The following BPTF variants were observed in gnomAD, a reference collection of about 807,000 sequenced individuals.
BPTF encodes the protein bromodomain PHD finger transcription factor.
BPTF carries 18 observed loss-of-function variants against 292.5 expected under a neutral mutation model. The ratio of observed to expected loss-of-function variants is 0.06; its 90% CI spans 0.04 to 0.09. The LOEUF is 0.09. Among genes scored for constraint, BPTF ranks in the 10% least tolerant of loss-of-function variants. BPTF has a pLI of 1.00. For synonymous variants in BPTF, 1,225 were observed against 1,251.9 expected, an observed-to-expected ratio of 0.98 and a Z score of 0.45; for missense variants, 2,726 against 3,498.7, an observed-to-expected ratio of 0.78 and a Z score of 5.57.
At chr17:67,902,542 C>T (rs546078333) in intron 7 of BPTF, among the ~76,000 whole-genome samples, 17 of 152,284 alleles carry the variant, frequency 1.1e-4, no homozygotes, top group Non-Finnish European at 2.2e-4. Flanking sequence ...CTTTCCCCTC[C>T]TCCCATCAGC....
At position 67,946,055 on chromosome 17, in the gene BPTF, G is replaced by C; in HGVS notation, c.7347G>C (p.Gln2449His). The C allele has an allele frequency of 6.2e-7, 1 of 1,614,214 alleles. No individual in the cohort carries two copies. The highest frequency in any genetic ancestry group is 2.2e-5 in the East Asian group (1 of 44,890). ...QQQVQVLSQI[Q>H]SQVVAQIQAQ... is the part of the protein sequence containing the mutation. ...AAGTCCAGGTTCTCTCTCAGATCCAGTCACAGGTTGTGGCTCAGATACAGG... is the reference window on the plus strand; with the variant it reads ...AAGTCCAGGTTCTCTCTCAGATCCACTCACAGGTTGTGGCTCAGATACAGG... The change falls in exon 21 of 28, where the codon CAG (glutamine) becomes CAC (histidine). Residue 2449 changes from glutamine to histidine, a missense_variant. Coordinates refer to ENST00000306378, the MANE Select transcript of BPTF (RefSeq NM_182641.4).
chr17:67,871,468 C>T (rs1263158327), intron 3 of BPTF, among the ~76,000 whole-genome samples: 4 of 147,038 alleles, frequency 2.7e-5, no homozygotes, highest in Non-Finnish European at 6.0e-5. Context: ...AAAAATTATA[C>T]AGTAAATACT....
At chr17:67,869,588 A>G (rs1260715600) in intron 3 of BPTF, among the ~76,000 whole-genome samples, 1 of 152,166 alleles carries the variant, frequency 6.6e-6, no homozygotes, top group Non-Finnish European at 1.5e-5. Context: ...ACCAATTAGC[A>G]TAGTAGAATT....
Position 67,912,552 on chromosome 17 carries a change from T to A in BPTF, c.4668T>A (p.Asn1556Lys). The change falls in exon 11 of 28, where the codon AAT becomes AAA. Residue 1556 changes from asparagine (N) to lysine (K), a missense_variant. Physicochemically the swap from Asn to Lys is moderately conservative, Grantham distance 94. Around this residue, in one of 22 missense-constraint regions of BPTF, gnomAD observed 144 missense variants for 177.2 expected, o/e 0.81. Coordinates refer to ENST00000306378, the MANE Select transcript of BPTF (RefSeq NM_182641.4). Reference sequence around the variant, plus strand: ...CTATTACTTCTGAAGAGGAATCTAATCTCAGTAATGACTTTATTGATGAAA... The same window carrying A: ...CTATTACTTCTGAAGAGGAATCTAAACTCAGTAATGACTTTATTGATGAAA... ...SSPITSEEES[N>K]LSNDFIDENG... 2 of 1,613,944 alleles carry A rather than the reference T, an allele frequency of 1.2e-6. No homozygotes were observed. Among genetic ancestry groups the A allele is most frequent in the Non-Finnish European group, 1.7e-6 (2 of 1,179,922 alleles).
At chr17:67,886,885 A>G (rs1481687297) in intron 4 of BPTF, among the ~76,000 whole-genome samples, 3 of 152,248 alleles carry the variant, frequency 2.0e-5, no homozygotes, top group East Asian at 3.9e-4. Context: ...CTATTTCTCT[A>G]TTAATGGACA....
At chr17:67,868,277 A>T (rs2059505564) in intron 3 of BPTF, among the ~76,000 whole-genome samples, 1 of 152,170 alleles carries the variant, frequency 6.6e-6, no homozygotes, top group Non-Finnish European at 1.5e-5. Context: ...CTCCAGAGGC[A>T]ATCATTATTG....
intron 3 of BPTF, 40 bp downstream of exon 3, chr17:67,866,727 G>A (rs779854134): frequency 9.8e-6 from 15 of 1,526,656 alleles, no homozygotes; most frequent in Non-Finnish European, 1.3e-5. Context: ...TGTTAAGTCT[G>A]AGCTAAACCG....
rs151169336 is a variant in BPTF at position 67,857,853 on chromosome 17, C to A, written c.1436+3091C>A. Reference sequence around the variant, plus strand: ...CCCGGCTAGAGTACAGTGGCGCGATCCTTGGCTCACTGCAACCTCCATCTC... The same window carrying A: ...CCCGGCTAGAGTACAGTGGCGCGATACTTGGCTCACTGCAACCTCCATCTC... On this transcript the variant is annotated intron_variant, in intron 2 of 27. Coordinates refer to ENST00000306378, the MANE Select transcript of BPTF (RefSeq NM_182641.4). Among the ~76,000 whole-genome samples, 743 of 143,606 alleles carry A rather than the reference C, an allele frequency of 5.2e-3. 8 individuals carry two copies. The highest frequency in any genetic ancestry group is 0.018 in the African/African-American group (667 of 37,240). The allele number at this position is 143,606 out of a possible 152,430, so 94.2% of individuals were successfully genotyped here.
intron 26 of BPTF, chr17:67,975,314 T>C (rs1299979067): frequency 6.6e-6 from 1 of 152,644 alleles, no homozygotes; most frequent in African/African-American, 2.4e-5. Context: ...AAATAAAAGG[T>C]AACAATAAAA....
At chr17:67,952,613 A>G (rs554433563) in intron 23 of BPTF, among the ~76,000 whole-genome samples, 1 of 152,308 alleles carries the variant, frequency 6.6e-6, no homozygotes, top group South Asian at 2.1e-4. Context: ...TACAGTTCCC[A>G]TATTATTCCT....
chr17:67,882,301 T>A (rs1194928101), intron 4 of BPTF, among the ~76,000 whole-genome samples: 1 of 152,174 alleles, frequency 6.6e-6, no homozygotes, highest in East Asian at 1.9e-4. Context: ...GTTGTTGGGC[T>A]CTCACTGTCC....
intron 11 of BPTF, among the ~76,000 whole-genome samples, chr17:67,914,993 G>C (rs927525299): frequency 3.3e-5 from 5 of 152,130 alleles, no homozygotes; most frequent in African/African-American, 1.2e-4. Flanking sequence ...AATTGATCAT[G>C]ACTTTAGAAT....
intron 3 of BPTF, among the ~76,000 whole-genome samples, chr17:67,869,457 CAT>C (rs1206665107): frequency 6.6e-6 from 1 of 152,088 alleles, no homozygotes; most frequent in East Asian, 1.9e-4. Flanking sequence ...TATGAATTAT[CAT>C]GTGATAGAAC....
At chr17:67,862,084 T>C (rs1195677114) in intron 2 of BPTF, among the ~76,000 whole-genome samples, 1 of 152,212 alleles carries the variant, frequency 6.6e-6, no homozygotes, top group Non-Finnish European at 1.5e-5. Context: ...CAAGTGATTC[T>C]TCTGCCTCAG....
At chr17:67,870,620 T>G (rs1224497151) in intron 3 of BPTF, among the ~76,000 whole-genome samples, 1 of 152,182 alleles carries the variant, frequency 6.6e-6, no homozygotes, top group African/African-American at 2.4e-5. Context: ...TTCTTTAACT[T>G]GGGGTTTTAT....
intron 3 of BPTF, among the ~76,000 whole-genome samples, chr17:67,868,292 AT>A (rs1167231130): frequency 6.6e-6 from 1 of 152,100 alleles, no homozygotes; most frequent in Non-Finnish European, 1.5e-5. Context: ...TTATTGCTGT[AT>A]GTTTTTTTGT....
chr17:67,958,854 C>T (rs1358389159), intron 23 of BPTF, among the ~76,000 whole-genome samples: 2 of 152,088 alleles, frequency 1.3e-5, no homozygotes, highest in Non-Finnish European at 2.9e-5. Context: ...GTAATCCCAG[C>T]TACTTGGGAG....
intron 27 of BPTF, among the ~76,000 whole-genome samples, chr17:67,979,468 T>G (rs1190477246): frequency 6.6e-6 from 1 of 151,240 alleles, no homozygotes; most frequent in African/African-American, 2.4e-5. Context: ...CACTTGAACC[T>G]GGGAGACGGA....
At chr17:67,971,148 G>A (rs536018090) in intron 26 of BPTF, among the ~76,000 whole-genome samples, 2 of 152,072 alleles carry the variant, frequency 1.3e-5, no homozygotes, top group Non-Finnish European at 2.9e-5. Context: ...GCGCTATCTC[G>A]GCTCACTGCA....
Sources: allele counts gnomAD v4.1 joint callset (sites outside exome capture counted in the v4.1 genomes callset), GRCh38; gene constraint gnomAD v4.1.1; regional missense constraint gnomAD v4.1.1; transcripts MANE v1.5; gene names NCBI Gene and HGNC (gene_info 2026-07-23, HGNC 2026-07-21).